Variants in CASR observed in about 807,000 individuals in gnomAD.
The protein encoded by CASR is calcium sensing receptor.
CASR carries 23 observed loss-of-function variants against 69.1 expected under a neutral mutation model. That is an observed-to-expected ratio of 0.33 (90% CI 0.24 to 0.47). The LOEUF is 0.47. Among genes scored for constraint, CASR ranks in the 20% least tolerant of loss-of-function variants. The pLI is 1.00. For synonymous variants in CASR, 541 were observed against 544.7 expected, an observed-to-expected ratio of 0.99 and a Z score of 0.10; for missense variants, 924 against 1,356.1, an observed-to-expected ratio of 0.68 and a Z score of 5.00.
Position 122,289,920 on chromosome 3 carries a change from TAA to T in CASR, c.*4740_*4741del, listed in dbSNP as rs35779912. On this transcript the variant is annotated 3_prime_UTR_variant, in exon 7 of 7. Transcript: ENST00000639785. ...GGCAAAACCCCATCTCTACAAACAA[TAA>T]AAAAAAAAAACAGCTGGACATGGTG... The T allele has an allele frequency of 0.19, 27,664 of 147,878 alleles. 2,980 individuals are homozygous for T. Among genetic ancestry groups the T allele is most frequent in the African/African-American group, 0.28 (11,243 of 40,266 alleles). 9.2% of individuals were successfully genotyped at this position (147,878 alleles called of 1,614,324 possible). A position where few individuals can be genotyped will look rare whatever the true frequency, so the allele number is the denominator to read the frequency against.
At chr3:122,232,461 A>G (rs1045829824) in intron 1 of CASR, among the ~76,000 whole-genome samples, 7 of 152,222 alleles carry the variant, frequency 4.6e-5, no homozygotes, top group Admixed American at 3.3e-4. Flanking sequence ...CAAGAGGCAC[A>G]GGTCAGAGGG....
intron 5 of CASR, among the ~76,000 whole-genome samples, chr3:122,281,063 A>G (rs2107647453): frequency 6.6e-6 from 1 of 152,390 alleles, no homozygotes; most frequent in East Asian, 1.9e-4. Context: ...AGATAGAAGC[A>G]GGACTTCTTG....
At chr3:122,218,706 G>A (rs1399818781) in intron 1 of CASR, among the ~76,000 whole-genome samples, 4 of 152,306 alleles carry the variant, frequency 2.6e-5, no homozygotes, top group African/African-American at 7.2e-5. Flanking sequence ...GGATTAAACT[G>A]TGAACAAAAC....
chr3:122,202,520 T>C (rs2073967805), intron 1 of CASR, among the ~76,000 whole-genome samples: 1 of 151,872 alleles, frequency 6.6e-6, no homozygotes. Flanking sequence ...CCATTGTTTT[T>C]CAAGTGGGAG....
chr3:122,254,755 A>G (rs899125979), intron 2 of CASR, among the ~76,000 whole-genome samples: 1 of 152,126 alleles, frequency 6.6e-6, no homozygotes, highest in Non-Finnish European at 1.5e-5. Context: ...ACATGCTCCA[A>G]TGGATAGTAA....
At chr3:122,237,596 A>C (rs1451982533) in intron 1 of CASR, among the ~76,000 whole-genome samples, 1 of 152,264 alleles carries the variant, frequency 6.6e-6, no homozygotes, top group East Asian at 1.9e-4. Flanking sequence ...AAAGTACAAC[A>C]ATATAGATGA....
At chr3:122,215,645 C>A (rs2074110656) in intron 1 of CASR, among the ~76,000 whole-genome samples, 1 of 152,122 alleles carries the variant, frequency 6.6e-6, no homozygotes, top group Admixed American at 6.5e-5. Context: ...GGAATATCAT[C>A]AGTTTTGTCA....
intron 2 of CASR, among the ~76,000 whole-genome samples, chr3:122,256,570 A>G (rs2074556721): frequency 6.6e-6 from 1 of 152,160 alleles, no homozygotes; most frequent in South Asian, 2.1e-4. Flanking sequence ...TCATGTCATG[A>G]TCTTCACAGT....
chr3:122,191,290 T>C (rs2073837042), intron 1 of CASR, among the ~76,000 whole-genome samples: 1 of 152,168 alleles, frequency 6.6e-6, no homozygotes, highest in Non-Finnish European at 1.5e-5. Flanking sequence ...ACATTTAAAA[T>C]ACTTGGGTTT....
chr3:122,200,908 A>G (rs1019816849), intron 1 of CASR, among the ~76,000 whole-genome samples: 3 of 151,690 alleles, frequency 2.0e-5, no homozygotes, highest in Non-Finnish European at 2.9e-5. Context: ...CAATTCGATT[A>G]CCAATGAGTA....
chr3:122,188,766 C>CT (rs1430377382), intron 1 of CASR, among the ~76,000 whole-genome samples: 1 of 152,174 alleles, frequency 6.6e-6, no homozygotes. Flanking sequence ...GCCTGATTCA[C>CT]TTTTTTCTCC....
chr3:122,225,393 AC>A (rs1245140198), intron 1 of CASR, among the ~76,000 whole-genome samples: 3 of 152,062 alleles, frequency 2.0e-5, no homozygotes, highest in East Asian at 1.9e-4. Flanking sequence ...AGAAAAAAAA[AC>A]ATTTAAAAAG....
chr3:122,269,028 G>C (rs1200505434), intron 4 of CASR, among the ~76,000 whole-genome samples: 1 of 152,122 alleles, frequency 6.6e-6, no homozygotes, highest in Non-Finnish European at 1.5e-5. Flanking sequence ...AATTATTCTT[G>C]TATTTTTAAC....
intron 1 of CASR, among the ~76,000 whole-genome samples, chr3:122,233,091 C>T (rs1488637506): frequency 2.0e-5 from 3 of 152,166 alleles, no homozygotes; most frequent in African/African-American, 7.2e-5. Context: ...CTCACTTAGT[C>T]TTCCTCCCTT....
At chr3:122,280,542 TTG>T (rs1267463391) in intron 5 of CASR, among the ~76,000 whole-genome samples, 5 of 152,188 alleles carry the variant, frequency 3.3e-5, no homozygotes, top group Non-Finnish European at 5.9e-5. Flanking sequence ...TGAGGATACC[TTG>T]TCACCATAGT....
At chr3:122,241,682 A>G (rs1184739162) in intron 1 of CASR, among the ~76,000 whole-genome samples, 3 of 152,152 alleles carry the variant, frequency 2.0e-5, no homozygotes, top group African/African-American at 7.2e-5. Flanking sequence ...GTATGAGGCC[A>G]GTAGTACCCT....
At chr3:122,239,181 G>A (rs1487243325) in intron 1 of CASR, among the ~76,000 whole-genome samples, 2 of 152,206 alleles carry the variant, frequency 1.3e-5, no homozygotes, top group Non-Finnish European at 2.9e-5. Context: ...GGCCAGAGGG[G>A]AGCCCATTGC....
chr3:122,267,511 T>C (rs933500580), intron 4 of CASR, among the ~76,000 whole-genome samples: 6 of 152,072 alleles, frequency 3.9e-5, no homozygotes, highest in Admixed American at 3.3e-4. Flanking sequence ...GGAGGAAAGG[T>C]CACAAAATGT....
intron 1 of CASR, among the ~76,000 whole-genome samples, chr3:122,204,263 A>G (rs2073985050): frequency 6.6e-6 from 1 of 152,112 alleles, no homozygotes; most frequent in South Asian, 2.1e-4. Context: ...TCTGGTGACC[A>G]CTAGTCTCCT....
Sources: allele counts gnomAD v4.1 joint callset (sites outside exome capture counted in the v4.1 genomes callset), GRCh38; gene constraint gnomAD v4.1.1; transcripts MANE v1.5; gene names NCBI Gene and HGNC (gene_info 2026-07-23, HGNC 2026-07-21).